The following ADIPOR2 variants were observed in gnomAD, a reference collection of about 807,000 sequenced individuals.
ADIPOR2 encodes adiponectin receptor 2, also known as adiponectin receptor protein 2.
Under a neutral mutation model 40.9 loss-of-function variants are expected in ADIPOR2, and 18 were observed. That is an observed-to-expected ratio of 0.44 (90% CI 0.30 to 0.65). The LOEUF (loss-of-function observed/expected upper bound fraction) is 0.65. Among genes scored for constraint, ADIPOR2 ranks in the 30% least tolerant of loss-of-function variants. ADIPOR2 has a pLI of 0.09. For missense variants in ADIPOR2, 283 were observed against 479.2 expected, an observed-to-expected ratio of 0.59 and a Z score of 3.82; for synonymous variants, 165 against 166.4, an observed-to-expected ratio of 0.99 and a Z score of 0.06.
chr12:1,700,564 T>C (rs1477758628), intron 1 of ADIPOR2, among the ~76,000 whole-genome samples: 1 of 152,168 alleles, frequency 6.6e-6, no homozygotes, highest in Non-Finnish European at 1.5e-5. Flanking sequence ...ACAAAGCATA[T>C]ATTCTTTTCC....
At chr12:1,737,538 C>T (rs2154442785) in intron 1 of ADIPOR2, among the ~76,000 whole-genome samples, 1 of 152,144 alleles carries the variant, frequency 6.6e-6, no homozygotes, top group South Asian at 2.1e-4. Context: ...AGAAGTACAC[C>T]AGTGAGTTGT....
At chr12:1,754,535 G>T in intron 2 of ADIPOR2, 21 bp downstream of exon 2, 1 of 1,580,898 alleles carries the variant, frequency 6.3e-7, no homozygotes, top group South Asian at 1.2e-5. Context: ...TTGGAAGAAT[G>T]ATAAACAAAG....
At chr12:1,777,382 CTTTTTTTTTT>C (rs59141974) in intron 3 of ADIPOR2, among the ~76,000 whole-genome samples, 11 of 98,728 alleles carry the variant, frequency 1.1e-4, no homozygotes, top group African/African-American at 4.0e-4. Flanking sequence ...TTTTTTCTTT[CTTTTTTTTTT>C]TTTTTTTTTT....
intron 6 of ADIPOR2, among the ~76,000 whole-genome samples, chr12:1,782,202 C>G (rs1862731939): frequency 6.6e-6 from 1 of 152,196 alleles, no homozygotes; most frequent in African/African-American, 2.4e-5. Context: ...CTGCTTGGTT[C>G]TTACCTGTTG....
At chr12:1,759,940 C>T (rs1014909817) in intron 2 of ADIPOR2, among the ~76,000 whole-genome samples, 2 of 151,902 alleles carry the variant, frequency 1.3e-5, no homozygotes, top group African/African-American at 2.4e-5. Flanking sequence ...GTAGGAGAAT[C>T]GCTTGAACCC....
At chr12:1,759,434 A>G (rs920791082) in intron 2 of ADIPOR2, among the ~76,000 whole-genome samples, 1 of 152,260 alleles carries the variant, frequency 6.6e-6, no homozygotes, top group Non-Finnish European at 1.5e-5. Context: ...GGATCAAAGT[A>G]AAATAGGAAA....
At chr12:1,713,361 C>T (rs2094681367) in intron 1 of ADIPOR2, among the ~76,000 whole-genome samples, 1 of 151,824 alleles carries the variant, frequency 6.6e-6, no homozygotes, top group Non-Finnish European at 1.5e-5. Flanking sequence ...TTTTTGTACT[C>T]CTAGAATTGG....
At chr12:1,748,409 T>A (rs149639586) in intron 1 of ADIPOR2, among the ~76,000 whole-genome samples, 9,548 of 152,004 alleles carry the variant, frequency 0.063, 407 homozygotes, top group Middle Eastern at 0.12. Flanking sequence ...CCACCACGCC[T>A]GGCTAATTTT....
At chr12:1,708,223 C>T (rs1159336513) in intron 1 of ADIPOR2, among the ~76,000 whole-genome samples, 6 of 148,146 alleles carry the variant, frequency 4.1e-5, no homozygotes, top group Non-Finnish European at 8.9e-5. Flanking sequence ...TGAGCATCCT[C>T]GAATTTTGGT....
intron 6 of ADIPOR2, among the ~76,000 whole-genome samples, chr12:1,782,016 G>A (rs1862729544): frequency 6.6e-6 from 1 of 152,202 alleles, no homozygotes; most frequent in South Asian, 2.1e-4. Context: ...TGAGCATTCT[G>A]TTATTTACAT....
chr12:1,767,741 T>C (rs1362281522), intron 2 of ADIPOR2, among the ~76,000 whole-genome samples: 1 of 152,188 alleles, frequency 6.6e-6, no homozygotes, highest in African/African-American at 2.4e-5. Flanking sequence ...TGGATATGGA[T>C]ATTTACAGGG....
chr12:1,781,220 G>T, intron 6 of ADIPOR2, 144 bp downstream of exon 6: 2 of 923,534 alleles, frequency 2.2e-6, no homozygotes, highest in South Asian at 2.2e-5. Flanking sequence ...TATTGTTGGG[G>T]GTTTTTTTAT....
intron 1 of ADIPOR2, among the ~76,000 whole-genome samples, chr12:1,735,629 T>G (rs1347137723): frequency 6.6e-6 from 1 of 152,200 alleles, no homozygotes; most frequent in Non-Finnish European, 1.5e-5. Flanking sequence ...CTTCCAACAC[T>G]ATGTTGAATA....
chr12:1,750,657 C>T (rs2094767202), intron 1 of ADIPOR2, among the ~76,000 whole-genome samples: 1 of 151,918 alleles, frequency 6.6e-6, no homozygotes. Context: ...TTTTGTAGAT[C>T]CTCAGTAACA....
Position 1,786,298 on chromosome 12 carries a change from T to C in ADIPOR2, c.*226T>C. 2.0e-6 allele frequency: 1 copy of C among 504,692 alleles called. No individual in the cohort carries two copies. Among genetic ancestry groups the C allele is most frequent in the Non-Finnish European group, 3.3e-6 (1 of 300,156 alleles). The allele number at this position is 504,692 out of a possible 1,614,324, so 31.3% of individuals were successfully genotyped here. ...GCATCAATTGGGAGAAAAGGAGACATAGCCCAAACCCTGGCTTATTCTTGG... is the reference window on the plus strand; with the variant it reads ...GCATCAATTGGGAGAAAAGGAGACACAGCCCAAACCCTGGCTTATTCTTGG... On this transcript the variant is annotated 3_prime_UTR_variant, in exon 8 of 8. Transcript: ENST00000357103.
chr12:1,731,961 C>G (rs1161310103), intron 1 of ADIPOR2, among the ~76,000 whole-genome samples: 2 of 150,270 alleles, frequency 1.3e-5, no homozygotes, highest in Non-Finnish European at 3.0e-5. Flanking sequence ...GAGACTTGGT[C>G]TGAAAACAAA....
Position 1,787,458 on chromosome 12 carries a change from A to C in ADIPOR2, c.*1386A>C, listed in dbSNP as rs560062381. On this transcript the variant is annotated 3_prime_UTR_variant, in exon 8 of 8. Transcript: ENST00000357103. ...AGGGATAAGAGTGGTGTGGCATTTTAAATACAATGGTATGTTATTGCCAGG... is the reference window on the plus strand; with the variant it reads ...AGGGATAAGAGTGGTGTGGCATTTTCAATACAATGGTATGTTATTGCCAGG... 6.6e-5 allele frequency: 10 copies of C among 152,346 alleles called. No individual in the cohort carries two copies. Among genetic ancestry groups the C allele is most frequent in the African/African-American group, 2.2e-4 (9 of 41,578 alleles). 9.4% of individuals were successfully genotyped at this position (152,346 alleles called of 1,614,324 possible).
rs1452046474 is a variant in ADIPOR2, at chr12:1,754,322, G to T, written c.-22G>T. ...AGGGGACAGAAAGACAGATCTATTT[G>T]TAAGAAAGGCTTGGGTATCCCATGA... On this transcript the variant is annotated 5_prime_UTR_variant, in exon 2 of 8. Transcript: ENST00000357103. The T allele has an allele frequency of 6.4e-7, 1 of 1,567,442 alleles. No homozygotes were observed. The highest frequency in any genetic ancestry group is 8.6e-7 in the Non-Finnish European group (1 of 1,158,252).
intron 1 of ADIPOR2, among the ~76,000 whole-genome samples, chr12:1,747,930 C>T (rs1257805497): frequency 1.3e-5 from 2 of 151,242 alleles, no homozygotes; most frequent in Non-Finnish European, 1.5e-5. Flanking sequence ...AGTTAAAATA[C>T]ATTGAGTTTC....
Sources: gnomAD v4.1 joint callset for allele counts (sites outside exome capture counted in the v4.1 genomes callset) on GRCh38, gnomAD v4.1.1 for gene constraint, MANE v1.5 for transcripts, NCBI Gene and HGNC (gene_info 2026-07-23, HGNC 2026-07-21) for gene names.